Variants in CHN2 observed in about 807,000 individuals in gnomAD.
CHN2 encodes the protein chimerin 2, also known as beta-chimaerin.
In CHN2, 35 loss-of-function variants were observed where a neutral mutation model predicts 56.3. That is an observed-to-expected ratio of 0.62 (90% CI 0.47 to 0.82). CHN2 has a LOEUF of 0.82. Among genes scored for constraint, CHN2 ranks in the 40% least tolerant of loss-of-function variants. The pLI is 0.00. For synonymous variants in CHN2, 210 were observed against 212.8 expected (o/e 0.99, Z 0.12); for missense variants, 491 against 580.5 (o/e 0.85, Z 1.58).
At chr7:29,450,260 G>C (rs775572803) in intron 6 of CHN2, among the ~76,000 whole-genome samples, 2 of 152,164 alleles carry the variant, frequency 1.3e-5, no homozygotes, top group Non-Finnish European at 2.9e-5. Flanking sequence ...GTGGTAGGCA[G>C]AATAATGGCC....
chr7:29,380,537 TAATA>T (rs926487883), intron 3 of CHN2, among the ~76,000 whole-genome samples: 3 of 152,196 alleles, frequency 2.0e-5, no homozygotes, highest in Non-Finnish European at 4.4e-5. Context: ...TTTGAATACT[TAATA>T]CTCTTACATT....
At chr7:29,285,684 T>C (rs1451730828) in intron 1 of CHN2, among the ~76,000 whole-genome samples, 1 of 152,262 alleles carries the variant, frequency 6.6e-6, no homozygotes, top group Non-Finnish European at 1.5e-5. Flanking sequence ...TATTTTAACC[T>C]GAATACAGGC....
intron 2 of CHN2, among the ~76,000 whole-genome samples, chr7:29,149,259 C>T (rs1316083688): frequency 1.6e-5 from 2 of 127,790 alleles, no homozygotes; most frequent in Non-Finnish European, 3.1e-5. Context: ...ATGTCGCAAT[C>T]TCAGCTCACT....
chr7:29,315,578 C>T lies in CHN2; in HGVS notation c.50-39047C>T, dbSNP rs1794897967. On this transcript the variant is annotated intron_variant, in intron 1 of 12. Transcript: ENST00000222792. ...CCTCAGCCTTGTAAAATGCCTGGCA[C>T]ATCAGAAGTTCTGGAAAAGTGTCAA... Among the ~76,000 whole-genome samples the T allele has an allele frequency of 3.3e-5, 5 of 152,112 alleles. No homozygotes were observed. In the South Asian group the frequency reaches 1.0e-3, roughly 32 times the overall value.
intron 1 of CHN2, among the ~76,000 whole-genome samples, chr7:29,329,018 CATACTT>C (rs1796011946): frequency 6.6e-6 from 1 of 152,160 alleles, no homozygotes; most frequent in African/African-American, 2.4e-5. Context: ...GAATCATGCT[CATACTT>C]AAAAGGGCCA....
intron 1 of CHN2, among the ~76,000 whole-genome samples, chr7:29,296,937 G>C (rs960549145): frequency 1.3e-5 from 2 of 152,140 alleles, no homozygotes; most frequent in African/African-American, 4.8e-5. Flanking sequence ...ATTTGCATTT[G>C]GGAGCTGGGC....
At chr7:29,410,919 C>G (rs1803143704) in intron 6 of CHN2, among the ~76,000 whole-genome samples, 1 of 152,170 alleles carries the variant, frequency 6.6e-6, no homozygotes, top group African/African-American at 2.4e-5. Context: ...CTTTCCTCCT[C>G]AAATCCCTAA....
chr7:29,256,839 C>T (rs1789118454), intron 1 of CHN2, among the ~76,000 whole-genome samples: 2 of 152,040 alleles, frequency 1.3e-5, no homozygotes, highest in Non-Finnish European at 2.9e-5. Flanking sequence ...TCCAAACCTA[C>T]CTACAGGGCC....
chr7:29,334,949 TTAC>T (rs1796503549), intron 1 of CHN2, among the ~76,000 whole-genome samples: 1 of 152,314 alleles, frequency 6.6e-6, no homozygotes. Context: ...TTCTAAGACA[TTAC>T]TGACACCCGG....
intron 2 of CHN2, among the ~76,000 whole-genome samples, 170 bp downstream of exon 2, chr7:29,354,833 C>CCCT (rs1275886714): frequency 6.6e-6 from 1 of 151,972 alleles, no homozygotes; most frequent in Non-Finnish European, 1.5e-5. Context: ...TAACAGAGCC[C>CCCT]CCTCCTCTTA....
intron 1 of CHN2, among the ~76,000 whole-genome samples, chr7:29,264,070 T>A (rs1403662444): frequency 6.7e-6 from 1 of 149,104 alleles, no homozygotes; most frequent in African/African-American, 2.5e-5. Flanking sequence ...CGCCGCCCCG[T>A]CCGGGAGGTG....
intron 1 of CHN2, among the ~76,000 whole-genome samples, chr7:29,291,041 GCA>G (rs1211855332): frequency 1.3e-5 from 2 of 152,098 alleles, no homozygotes; most frequent in Non-Finnish European, 2.9e-5. Context: ...TTGTTTGCAT[GCA>G]CAGTGTCCCG....
At position 29,386,071 on chromosome 7, in the gene CHN2, A is replaced by G. The variant is rs140068784; in HGVS notation, c.145-7608A>G. Among the ~76,000 whole-genome samples the G allele has an allele frequency of 3.9e-3, 589 of 152,322 alleles. 13 individuals are homozygous for G. The highest frequency in any genetic ancestry group is 0.014 in the African/African-American group (567 of 41,578). On this transcript the variant is annotated intron_variant, in intron 3 of 12. Transcript: ENST00000222792. ...AAGGAATTCACCTCATCAGTGCCCTATTCGATTTCCAGAAGTGTTAAAGAA... is the reference window on the plus strand; with the variant it reads ...AAGGAATTCACCTCATCAGTGCCCTGTTCGATTTCCAGAAGTGTTAAAGAA...
At chr7:29,476,139 T>C (rs1306809200) in intron 6 of CHN2, among the ~76,000 whole-genome samples, 3 of 152,220 alleles carry the variant, frequency 2.0e-5, no homozygotes, top group Non-Finnish European at 4.4e-5. Flanking sequence ...TATGTGGCCA[T>C]GGGCAAGTCA....
intron 1 of CHN2, among the ~76,000 whole-genome samples, chr7:29,242,757 C>T (rs11773095): frequency 2.3e-5 from 1 of 44,244 alleles, no homozygotes; most frequent in Non-Finnish European, 4.2e-5. Flanking sequence ...GACTTTCCTT[C>T]TGAAAAAAAA....
intron 2 of CHN2, among the ~76,000 whole-genome samples, chr7:29,180,481 C>G (rs1584599812): frequency 2.0e-5 from 3 of 151,702 alleles, no homozygotes; most frequent in African/African-American, 7.3e-5. Context: ...GAGCCGAGAT[C>G]GCGCCACTGC....
At chr7:29,500,395 G>A (rs1340633014) in intron 9 of CHN2, among the ~76,000 whole-genome samples, 1 of 152,176 alleles carries the variant, frequency 6.6e-6, no homozygotes, top group Non-Finnish European at 1.5e-5. Context: ...GGAAGCTGAG[G>A]CCAGACAATC....
At chr7:29,360,694 C>T (rs6960085) in intron 2 of CHN2, among the ~76,000 whole-genome samples, 63,265 of 151,914 alleles carry the variant, frequency 0.42, 13,755 homozygotes, top group Middle Eastern at 0.5. Context: ...ACTGGCTCAG[C>T]GTCATGGCCA....
chr7:29,502,741 A>T (rs1790109585), intron 9 of CHN2, among the ~76,000 whole-genome samples: 1 of 146,502 alleles, frequency 6.8e-6, no homozygotes, highest in Non-Finnish European at 1.5e-5. Flanking sequence ...TAAGGCATAG[A>T]TTTTTTTTTT....
Sources: allele counts gnomAD v4.1 joint callset (sites outside exome capture counted in the v4.1 genomes callset), GRCh38; gene constraint gnomAD v4.1.1; transcripts MANE v1.5; gene names NCBI Gene and HGNC (gene_info 2026-07-23, HGNC 2026-07-21).